Variants in CBLL2 observed in about 807,000 individuals in gnomAD.
The protein encoded by CBLL2 is Cbl proto-oncogene like 2, also known as E3 ubiquitin-protein ligase CBLL2.
For missense variants in CBLL2, 347 were observed against 343.2 expected (o/e 1.01, Z -0.09); for synonymous variants, 123 against 124.9 (o/e 0.98, Z 0.10).
chrX:22,272,948 G>C lies in CBLL2; in HGVS notation c.-44G>C. ...AAGAATTCCTTTAAACGTCATTTTT[G>C]AGGAAGTAGACAAACCTAAATATGT... On this transcript the variant is annotated 5_prime_UTR_variant, in exon 1 of 1. Transcript: ENST00000323684. The C allele has an allele frequency of 1.9e-6, 2 of 1,081,020 alleles. No homozygotes were observed. The highest frequency in any genetic ancestry group is 2.5e-6 in the Non-Finnish European group (2 of 808,715). The allele number at this position is 1,081,020 out of a possible 1,213,427, so 89.1% of individuals were successfully genotyped here.
chrX:22,274,214 C>T lies in CBLL2; in HGVS notation c.1223C>T (p.Ser408Leu). ...PCPPTRSPPP[S>L]TLHGRSHHSH... ...CCACCAACGCGGAGTCCACCTCCTT[C>T]AACCCTACATGGTCGATCACATCAT... The change falls in exon 1 of 1, where the codon TCA becomes TTA. Residue 408 changes from serine (S) to leucine (L), a missense_variant. By Grantham distance (145) the Ser-to-Leu change is moderately radical. Transcript: ENST00000323684. The T allele has an allele frequency of 1.7e-6, 2 of 1,211,702 alleles. No individual in the cohort carries two copies. The highest frequency in any genetic ancestry group is 2.2e-6 in the Non-Finnish European group (2 of 895,450).
rs778065251 is a variant in CBLL2, at chrX:22,273,995, T to C, written c.1004T>C (p.Met335Thr). 6 of 1,209,800 alleles carry C rather than the reference T, an allele frequency of 5.0e-6. No individual in the cohort carries two copies. The highest frequency in any genetic ancestry group is 1.8e-5 in the African/African-American group (1 of 57,045). ...ATTATTGTAAAGGTGCCACCTGATA[T>C]GAATTCTCCTCCACTACGTGCTCCC... The part of the protein sequence containing the change: ...GYIIVKVPPD[M>T]NSPPLRAPQS... Residue 335 changes from methionine to threonine, a missense_variant, in exon 1 of 1, where the codon ATG (methionine) becomes ACG (threonine). By Grantham distance (81) the Met-to-Thr change is moderately conservative. Coordinates refer to ENST00000323684, the MANE Select transcript of CBLL2 (RefSeq NM_152577.4).
At position 22,273,396 on chromosome X, in the gene CBLL2, A is replaced by C; in HGVS notation, c.405A>C (p.Lys135Asn). 1 of 1,211,610 alleles carries C rather than the reference A, an allele frequency of 8.3e-7. No individual in the cohort carries two copies. Among genetic ancestry groups the C allele is most frequent in the East Asian group, 3.0e-5 (1 of 33,819 alleles). The change falls in exon 1 of 1, where the codon AAA becomes AAC. Residue 135 changes from lysine to asparagine, a missense_variant. By Grantham distance (94) the Lys-to-Asn change is moderately conservative (BLOSUM62 0). Transcript: ENST00000323684. ...LSQKSLQAHI[K>N]RRHKRARKQV... is the part of the protein sequence containing the mutation. ...AGAAAAGCTTACAGGCTCATATCAA[A>C]CGCCGCCATAAGAGAGCTCGAAAAC...
At position 22,274,298 on chromosome X, in the gene CBLL2, C is replaced by T. The variant is rs1406576281; in HGVS notation, c.*29C>T. ...TGATAACAGTATTTGGAACTGAAGA[C>T]CTGATGGGAAAAAAACCTTCAAGTT... is the stretch of plus-strand genomic sequence containing the variant. On this transcript the variant is annotated 3_prime_UTR_variant, in exon 1 of 1. Coordinates refer to ENST00000323684, the MANE Select transcript of CBLL2 (RefSeq NM_152577.4). 8.7e-7 allele frequency: 1 copy of T among 1,150,638 alleles called. No individual in the cohort carries two copies. Among genetic ancestry groups the T allele is most frequent in the African/African-American group, 1.8e-5 (1 of 55,007 alleles). The allele number at this position is 1,150,638 out of a possible 1,213,427, so 94.8% of individuals were successfully genotyped here. A position where few individuals can be genotyped will look rare whatever the true frequency, so the allele number is the denominator to read the frequency against.
rs192067453 is a variant in CBLL2 at position 22,272,972 on chromosome X, G to A, written c.-20G>A. 1.9e-4 allele frequency: 216 copies of A among 1,143,061 alleles called. 1 individual carries two copies. The African/African-American group carries it at 3.8e-3, about 20-fold the overall frequency. 94.2% of individuals were successfully genotyped at this position (1,143,061 alleles called of 1,213,427 possible). A position where few individuals can be genotyped will look rare whatever the true frequency, so the allele number is the denominator to read the frequency against. ...TGAGGAAGTAGACAAACCTAAATATGTGTCTGAACTCCAAGGAATATGAAC... is the reference window on the plus strand; with the variant it reads ...TGAGGAAGTAGACAAACCTAAATATATGTCTGAACTCCAAGGAATATGAAC... On this transcript the variant is annotated 5_prime_UTR_variant, in exon 1 of 1. In the 5' UTR this introduces an upstream ATG that the reference lacks. Coordinates refer to ENST00000323684, the MANE Select transcript of CBLL2 (RefSeq NM_152577.4).
chrX:22,273,527 A>G lies in CBLL2; in HGVS notation c.536A>G (p.Tyr179Cys), dbSNP rs200078401. The G allele has an allele frequency of 8.3e-7, 1 of 1,209,663 alleles. No homozygotes were observed. Among genetic ancestry groups the G allele is most frequent in the East Asian group, 3.0e-5 (1 of 33,750 alleles). The change falls in exon 1 of 1, where the codon TAT becomes TGT. Residue 179 changes from tyrosine (Y) to cysteine (C), a missense_variant. Transcript: ENST00000323684. ...KRLQDRDHLSYIPPEQHTMVS... is the reference protein window; with the variant it reads ...KRLQDRDHLSCIPPEQHTMVS... The stretch of plus-strand genomic sequence containing the variant: ...CTGCAAGACAGGGACCATCTAAGCT[A>G]TATTCCACCAGAACAGCACACCATG...
rs1299149531 is a variant in CBLL2 at position 22,273,616 on chromosome X, C to G, written c.625C>G (p.Gln209Glu). 7.4e-6 allele frequency: 9 copies of G among 1,209,369 alleles called. No individual in the cohort carries two copies. Among genetic ancestry groups the G allele is most frequent in the Non-Finnish European group, 6.7e-6 (6 of 895,124 alleles). The change falls in exon 1 of 1, where the codon CAG becomes GAG. Residue 209 changes from glutamine to glutamate, a missense_variant. Physicochemically the swap from Gln to Glu is conservative, Grantham distance 29 (BLOSUM62 2). Coordinates refer to ENST00000323684, the MANE Select transcript of CBLL2 (RefSeq NM_152577.4). The part of the protein sequence containing the change: ...EQHNQPHKDI[Q>E]APPPELSLSL... ...ACATAATCAGCCACATAAGGATATC[C>G]AGGCTCCTCCCCCAGAACTATCTCT...
chrX:22,274,087 C>A lies in CBLL2; in HGVS notation c.1096C>A (p.Pro366Thr). The change falls in exon 1 of 1, where the codon CCT becomes ACT. Residue 366 changes from proline to threonine, a missense_variant. Pro to Thr is a conservative substitution (Grantham distance 38). Transcript: ENST00000323684. ...ASHHYNLNIL[P>T]QFTENQETLS... The stretch of plus-strand genomic sequence containing the variant: ...TCACCATTATAACCTTAACATTTTA[C>A]CTCAGTTCACCGAAAATCAAGAAAC... 1 of 1,211,684 alleles carries A rather than the reference C, an allele frequency of 8.3e-7. No individual in the cohort carries two copies. Among genetic ancestry groups the A allele is most frequent in the Non-Finnish European group, 1.1e-6 (1 of 895,556 alleles).
chrX:22,274,262 G>C lies in CBLL2; in HGVS notation c.1271G>C (p.Arg424Pro), dbSNP rs750553380. 8.3e-7 allele frequency: 1 copy of C among 1,203,045 alleles called. No homozygotes were observed. The highest frequency in any genetic ancestry group is 1.1e-6 in the Non-Finnish European group (1 of 891,361). Residue 424 changes from arginine to proline, a missense_variant, in exon 1 of 1, where the codon CGG becomes CCG. By Grantham distance (103) the Arg-to-Pro change is moderately radical. Transcript: ENST00000323684. ...CATTCACACCAGAGAAGACATAGAC[G>C]GTATTAAGGATGATAACAGTATTTG... is the stretch of plus-strand genomic sequence containing the variant. ...SHHSHQRRHR[R>P]Y
chrX:22,273,354 G>A lies in CBLL2; in HGVS notation c.363G>A (p.Lys121=), dbSNP rs1936781880. ...TGTGTAGTATTGTTCAGCAGTGCAAGAGAACATACTTGTCTCAGAAAAGCT... is the reference window on the plus strand; with the variant it reads ...TGTGTAGTATTGTTCAGCAGTGCAAAAGAACATACTTGTCTCAGAAAAGCT... The part of the protein sequence containing the change: ...VFMCSIVQQC[K]RTYLSQKSLQ... Residue 121 remains lysine, a synonymous_variant, in exon 1 of 1, where the codon AAG becomes AAA. Coordinates refer to ENST00000323684, the MANE Select transcript of CBLL2 (RefSeq NM_152577.4). 8.3e-7 allele frequency: 1 copy of A among 1,210,192 alleles called. No homozygotes were observed. The highest frequency in any genetic ancestry group is 1.1e-6 in the Non-Finnish European group (1 of 895,343).
Position 22,273,631 on chromosome X carries a change from G to A in CBLL2, c.640G>A (p.Glu214Lys). 1 of 1,211,446 alleles carries A rather than the reference G, an allele frequency of 8.3e-7. No individual in the cohort carries two copies. The highest frequency in any genetic ancestry group is 1.1e-6 in the Non-Finnish European group (1 of 895,486). The change falls in exon 1 of 1, where the codon GAA becomes AAA. Residue 214 changes from glutamate to lysine, a missense_variant. Coordinates refer to ENST00000323684, the MANE Select transcript of CBLL2 (RefSeq NM_152577.4). ...TAAGGATATCCAGGCTCCTCCCCCAGAACTATCTCTAAGTCTGCCTTTTCC... is the reference window on the plus strand; with the variant it reads ...TAAGGATATCCAGGCTCCTCCCCCAAAACTATCTCTAAGTCTGCCTTTTCC... ...PHKDIQAPPP[E>K]LSLSLPFPIQ...
chrX:22,273,205 C>G lies in CBLL2; in HGVS notation c.214C>G (p.Pro72Ala). ...TATTAAAATCTATGGGCGAATAATT[C>G]CGTGCAAGCATGCTTTTTGCTATCA... The part of the protein sequence containing the change: ...LPIKIYGRII[P>A]CKHAFCYHCA... Residue 72 changes from proline to alanine, a missense_variant, in exon 1 of 1, where the codon CCG becomes GCG. Coordinates refer to ENST00000323684, the MANE Select transcript of CBLL2 (RefSeq NM_152577.4). The G allele has an allele frequency of 1.7e-6, 2 of 1,210,916 alleles. No homozygotes were observed. The highest frequency in any genetic ancestry group is 2.2e-6 in the Non-Finnish European group (2 of 895,016).
rs376089162 is a variant in CBLL2, at chrX:22,273,142, G to T, written c.151G>T (p.Asp51Tyr). 3.3e-6 allele frequency: 4 copies of T among 1,209,823 alleles called. No individual in the cohort carries two copies. In the African/African-American group the frequency reaches 7.0e-5, roughly 21 times the overall value. ...IKINIIGEKD[D>Y]LPIHFCDKCD... is the part of the protein sequence containing the mutation. ...GATAAACATCATAGGTGAAAAGGAT[G>T]ATTTACCAATTCATTTCTGTGACAA... The change falls in exon 1 of 1, where the codon GAT becomes TAT. Residue 51 changes from aspartate (D) to tyrosine (Y), a missense_variant. Physicochemically the swap from Asp to Tyr is radical, Grantham distance 160. Transcript: ENST00000323684.
At position 22,274,447 on chromosome X, in the gene CBLL2, G is replaced by T; in HGVS notation, c.*178G>T. 2 of 385,227 alleles carry T rather than the reference G, an allele frequency of 5.2e-6. No homozygotes were observed. Among genetic ancestry groups the T allele is most frequent in the Non-Finnish European group, 8.9e-6 (2 of 224,877 alleles). The allele number at this position is 385,227 out of a possible 1,213,427, so 31.7% of individuals were successfully genotyped here. A position where few individuals can be genotyped will look rare whatever the true frequency, so the allele number is the denominator to read the frequency against. On this transcript the variant is annotated 3_prime_UTR_variant, in exon 1 of 1. Coordinates refer to ENST00000323684, the MANE Select transcript of CBLL2 (RefSeq NM_152577.4). The stretch of plus-strand genomic sequence containing the variant: ...CGATTTCCTGAAATAAATATGCAAT[G>T]TTACATTTTCAAAAGTATTGTGGTT...
Position 22,273,975 on chromosome X carries a change from T to C in CBLL2, c.984T>C (p.Ile328=). Reference sequence around the variant, plus strand: ...ACGATCCATCATCTGGATATATTATTGTAAAGGTGCCACCTGATATGAATT... The same window carrying C: ...ACGATCCATCATCTGGATATATTATCGTAAAGGTGCCACCTGATATGAATT... The part of the protein sequence containing the change: ...TTYDPSSGYI[I]VKVPPDMNSP... Residue 328 remains isoleucine (I), a synonymous_variant, in exon 1 of 1, where the codon ATT becomes ATC. Coordinates refer to ENST00000323684, the MANE Select transcript of CBLL2 (RefSeq NM_152577.4). 2.5e-6 allele frequency: 3 copies of C among 1,211,661 alleles called. No individual in the cohort carries two copies. The highest frequency in any genetic ancestry group is 3.5e-5 in the South Asian group (2 of 56,954).
At position 22,273,687 on chromosome X, in the gene CBLL2, G is replaced by A. The variant is rs143029068; in HGVS notation, c.696G>A (p.Thr232=). 6 of 1,209,604 alleles carry A rather than the reference G, an allele frequency of 5.0e-6. No homozygotes were observed. Among genetic ancestry groups the A allele is most frequent in the African/African-American group, 3.5e-5 (2 of 56,997 alleles). ...PIQWETVSIF[T]RKHGNLTVDH... The stretch of plus-strand genomic sequence containing the variant: ...AGTGGGAAACCGTTAGTATTTTTAC[G>A]AGAAAACATGGCAATTTAACAGTTG... Residue 232 remains threonine (T), a synonymous_variant, in exon 1 of 1, where the codon ACG becomes ACA. Transcript: ENST00000323684.
rs746552589 is a variant in CBLL2, at chrX:22,273,275, G to T, written c.284G>T (p.Arg95Leu). The T allele has an allele frequency of 1.7e-6, 2 of 1,211,602 alleles. No homozygotes were observed. Among genetic ancestry groups the T allele is most frequent in the Non-Finnish European group, 2.2e-6 (2 of 895,522 alleles). Residue 95 changes from arginine (R) to leucine (L), a missense_variant, in exon 1 of 1, where the codon CGC becomes CTC. Arg to Leu is a moderately radical substitution (Grantham distance 102, BLOSUM62 -2). Transcript: ENST00000323684. ...AAAGTCGGATATAAAGTATGTCCGC[G>T]CTGTCGTTATCCTGTGCTGAGAATT... ...YDKVGYKVCP[R>L]CRYPVLRIEA...
In CBLL2 at chrX:22,274,241, C is replaced by A. The variant is rs1286872126; in HGVS notation, c.1250C>A (p.Ser417Ter). The change falls in exon 1 of 1, where the codon TCA (serine) becomes TAA (stop). Residue 417 changes from serine (S) to a stop codon, truncating the protein, a stop_gained. Transcript: ENST00000323684. LOFTEE classifies it high-confidence loss of function. The stretch of plus-strand genomic sequence containing the variant: ...ACCCTACATGGTCGATCACATCATT[C>A]ACACCAGAGAAGACATAGACGGTAT... Reference protein sequence around the residue: ...PSTLHGRSHHSHQRRHRRY With the variant: ...PSTLHGRSHH The A allele has an allele frequency of 8.3e-7, 1 of 1,209,918 alleles. No individual in the cohort carries two copies. The highest frequency in any genetic ancestry group is 1.1e-6 in the Non-Finnish European group (1 of 894,803).
chrX:22,273,662 A>G lies in CBLL2; in HGVS notation c.671A>G (p.Gln224Arg). Residue 224 changes from glutamine to arginine, a missense_variant, in exon 1 of 1, where the codon CAG becomes CGG. Coordinates refer to ENST00000323684, the MANE Select transcript of CBLL2 (RefSeq NM_152577.4). ...TCTCTAAGTCTGCCTTTTCCCATCC[A>G]GTGGGAAACCGTTAGTATTTTTACG... ...ELSLSLPFPI[Q>R]WETVSIFTRK... 8.3e-7 allele frequency: 1 copy of G among 1,211,276 alleles called. No individual in the cohort carries two copies. Among genetic ancestry groups the G allele is most frequent in the African/African-American group, 1.7e-5 (1 of 57,718 alleles).
Sources: gnomAD v4.1 joint callset for allele counts on GRCh38, gnomAD v4.1.1 for gene constraint, MANE v1.5 for transcripts, NCBI Gene and HGNC (gene_info 2026-07-23, HGNC 2026-07-21) for gene names.